PCDH9: variants seen among roughly 807,000 people sequenced by gnomAD.
The protein encoded by PCDH9 is protocadherin 9, also known as protocadherin-9.
PCDH9 carries 24 observed loss-of-function variants against 70.6 expected under a neutral mutation model. The ratio of observed to expected loss-of-function variants is 0.34; its 90% CI spans 0.25 to 0.48. PCDH9 has a LOEUF of 0.48. Ranked by LOEUF, PCDH9 falls within the 20% of genes least tolerant of loss-of-function variation. The pLI is 0.99. For missense variants in PCDH9, 1,281 were observed against 1,503.6 expected (o/e 0.85, Z 2.45); for synonymous variants, 562 against 558.5 (o/e 1.01, Z -0.09).
chr13:66,984,025 G>C (rs1196164127), intron 2 of PCDH9, among the ~76,000 whole-genome samples: 1 of 151,952 alleles, frequency 6.6e-6, no homozygotes, highest in Non-Finnish European at 1.5e-5. Flanking sequence ...ATACAAGAAA[G>C]AGATGCTCAT....
At chr13:66,924,070 G>A (rs1366061192) in intron 2 of PCDH9, among the ~76,000 whole-genome samples, 2 of 151,640 alleles carry the variant, frequency 1.3e-5, no homozygotes, top group African/African-American at 4.8e-5. Context: ...AAGCATGAGG[G>A]CCAAGAAAAG....
At chr13:66,558,697 C>G (rs1961856585) in intron 4 of PCDH9, among the ~76,000 whole-genome samples, 1 of 151,928 alleles carries the variant, frequency 6.6e-6, no homozygotes, top group East Asian at 1.9e-4. Flanking sequence ...CAGGCGCTAA[C>G]TGTAAAAGAG....
intron 2 of PCDH9, among the ~76,000 whole-genome samples, chr13:66,917,566 A>T (rs2082576364): frequency 6.6e-6 from 1 of 151,474 alleles, no homozygotes; most frequent in East Asian, 1.9e-4. Context: ...TTTTTATGAT[A>T]GTTATTCAGT....
At chr13:67,087,194 A>G (rs2086125681) in intron 2 of PCDH9, among the ~76,000 whole-genome samples, 1 of 151,864 alleles carries the variant, frequency 6.6e-6, no homozygotes, top group South Asian at 2.1e-4. Flanking sequence ...GTCATTTTTA[A>G]GGTCCTTTAC....
intron 3 of PCDH9, among the ~76,000 whole-genome samples, chr13:66,865,907 T>C (rs1287285504): frequency 2.0e-5 from 3 of 152,228 alleles, no homozygotes; most frequent in African/African-American, 7.2e-5. Flanking sequence ...ATATGGCCTG[T>C]GTAGAATTCA....
intron 3 of PCDH9, among the ~76,000 whole-genome samples, chr13:66,665,359 A>G (rs758056179): frequency 1.3e-5 from 2 of 152,044 alleles, no homozygotes; most frequent in Admixed American, 6.6e-5. Flanking sequence ...CGGCCTCCCA[A>G]AGTGCTGGGA....
At chr13:66,429,518 A>C (rs900055591) in intron 4 of PCDH9, among the ~76,000 whole-genome samples, 2 of 151,614 alleles carry the variant, frequency 1.3e-5, no homozygotes, top group Non-Finnish European at 2.9e-5. Flanking sequence ...TGCCAGAATA[A>C]ATATGTTAGG....
At chr13:66,336,098 T>C (rs1338731390) in intron 4 of PCDH9, among the ~76,000 whole-genome samples, 1 of 151,986 alleles carries the variant, frequency 6.6e-6, no homozygotes, top group Non-Finnish European at 1.5e-5. Flanking sequence ...AAATGAGATA[T>C]GAAAGGCCCC....
At chr13:67,127,676 A>ATGTGTG (rs142545550) in intron 2 of PCDH9, among the ~76,000 whole-genome samples, 29,692 of 145,306 alleles carry the variant, frequency 0.2, 3,087 homozygotes, top group Admixed American at 0.25. Context: ...ATATATATAT[A>ATGTGTG]TGTGTGTGTG....
At chr13:66,934,123 T>C (rs2082864375) in intron 2 of PCDH9, among the ~76,000 whole-genome samples, 1 of 152,164 alleles carries the variant, frequency 6.6e-6, no homozygotes, top group South Asian at 2.1e-4. Flanking sequence ...CACTAAATGT[T>C]GCCCAGTGAA....
chr13:66,806,777 A>C (rs1313409070), intron 3 of PCDH9, among the ~76,000 whole-genome samples: 1 of 152,218 alleles, frequency 6.6e-6, no homozygotes, highest in African/African-American at 2.4e-5. Context: ...TGCTTAGCAC[A>C]GCACCTGCAG....
chr13:66,994,100 G>A (rs191409553), intron 2 of PCDH9, among the ~76,000 whole-genome samples: 1 of 152,270 alleles, frequency 6.6e-6, no homozygotes, highest in Admixed American at 6.5e-5. Flanking sequence ...GGAAACAGAA[G>A]GAAGGATTTC....
At chr13:66,524,013 A>G (rs1471544309) in intron 4 of PCDH9, among the ~76,000 whole-genome samples, 1 of 152,022 alleles carries the variant, frequency 6.6e-6, no homozygotes, top group African/African-American at 2.4e-5. Context: ...GTGCTAAATG[A>G]TATGTAGAGT....
At position 66,304,522 on chromosome 13, in the gene PCDH9, G is replaced by T; in HGVS notation, c.*133C>A. 1.4e-6 allele frequency: 1 copy of T among 695,140 alleles called. No individual in the cohort carries two copies. 43.1% of individuals were successfully genotyped at this position (695,140 alleles called of 1,614,324 possible). A position where few individuals can be genotyped will look rare whatever the true frequency, so the allele number is the denominator to read the frequency against. On this transcript the variant is annotated 3_prime_UTR_variant, in exon 5 of 5. Transcript: ENST00000377865. ...GTTGCAAAAACATTGTATTCTCCAT[G>T]GTGCTAACACAAAGTTATAGGTATC... is the stretch of plus-strand genomic sequence containing the variant.
At chr13:66,630,546 G>T (rs980809446) in intron 4 of PCDH9, among the ~76,000 whole-genome samples, 2 of 152,032 alleles carry the variant, frequency 1.3e-5, no homozygotes, top group African/African-American at 2.4e-5. Flanking sequence ...TCTGGAGTGG[G>T]GTATGGGTCT....
At chr13:66,428,133 G>T (rs1165919027) in intron 4 of PCDH9, among the ~76,000 whole-genome samples, 3 of 151,650 alleles carry the variant, frequency 2.0e-5, no homozygotes, top group African/African-American at 7.3e-5. Flanking sequence ...AAAAAGTTCA[G>T]AACAAGTTTT....
chr13:66,952,652 T>C (rs1487645221), intron 2 of PCDH9, among the ~76,000 whole-genome samples: 1 of 152,168 alleles, frequency 6.6e-6, no homozygotes, highest in Non-Finnish European at 1.5e-5. Context: ...CATTCCTCAA[T>C]GCTATAATTG....
chr13:66,537,129 T>G (rs1246389590), intron 4 of PCDH9, among the ~76,000 whole-genome samples: 1 of 152,110 alleles, frequency 6.6e-6, no homozygotes, highest in Non-Finnish European at 1.5e-5. Context: ...TTTATGGGAA[T>G]GCCAGAAGCA....
At chr13:66,330,243 G>C (rs1955919641) in intron 4 of PCDH9, among the ~76,000 whole-genome samples, 1 of 152,210 alleles carries the variant, frequency 6.6e-6, no homozygotes, top group South Asian at 2.1e-4. Flanking sequence ...GGCACTGGCT[G>C]CTTATTCAGG....
Sources: allele counts gnomAD v4.1 joint callset (sites outside exome capture counted in the v4.1 genomes callset), GRCh38; gene constraint gnomAD v4.1.1; transcripts MANE v1.5; gene names NCBI Gene and HGNC (gene_info 2026-07-23, HGNC 2026-07-21).